Variants in KCND2 observed in about 807,000 individuals in gnomAD.
The protein encoded by KCND2 is A-type voltage-gated potassium channel KCND2.
Under a neutral mutation model 54.4 loss-of-function variants are expected in KCND2, and 16 were observed. The observed-to-expected ratio is 0.29, with a 90% CI of 0.20 to 0.45. The LOEUF is 0.45. KCND2 is among the 20% of genes least tolerant of loss of function. The pLI, the probability that KCND2 is intolerant of heterozygous loss-of-function variation, is 1.00. For synonymous variants in KCND2, 317 were observed against 310.7 expected (o/e 1.02, Z -0.21); for missense variants, 486 against 824.2 (o/e 0.59, Z 5.02).
chr7:120,595,582 T>C (rs1248698375), intron 1 of KCND2, among the ~76,000 whole-genome samples: 1 of 63,910 alleles, frequency 1.6e-5, no homozygotes, highest in Non-Finnish European at 3.7e-5. Context: ...TATATATATG[T>C]GTGTGTGTGT....
At chr7:120,709,291 T>G (rs1264022920) in intron 1 of KCND2, among the ~76,000 whole-genome samples, 3 of 152,202 alleles carry the variant, frequency 2.0e-5, no homozygotes, top group Admixed American at 2.0e-4. Flanking sequence ...TTACCACTTA[T>G]CTTTATGTTG....
intron 1 of KCND2, among the ~76,000 whole-genome samples, chr7:120,306,365 A>T (rs1220695060): frequency 5.3e-5 from 8 of 152,032 alleles, no homozygotes; most frequent in Admixed American, 5.3e-4. Flanking sequence ...AATGGTTTAG[A>T]CTTTGTTTTG....
chr7:120,287,929 C>T (rs1351372078), intron 1 of KCND2, among the ~76,000 whole-genome samples: 3 of 152,046 alleles, frequency 2.0e-5, no homozygotes, highest in Non-Finnish European at 4.4e-5. Context: ...GATAGAAAAT[C>T]AGAAGTCTTG....
chr7:120,428,653 A>G (rs1158894168), intron 1 of KCND2, among the ~76,000 whole-genome samples: 1 of 152,232 alleles, frequency 6.6e-6, no homozygotes, highest in Non-Finnish European at 1.5e-5. Context: ...ACTAAGGTCA[A>G]TACTAAAGAG....
chr7:120,617,032 T>G (rs775378417), intron 1 of KCND2, among the ~76,000 whole-genome samples: 2 of 152,184 alleles, frequency 1.3e-5, no homozygotes, highest in Non-Finnish European at 2.9e-5. Flanking sequence ...TTAATCATTG[T>G]GTATTAACCC....
intron 1 of KCND2, among the ~76,000 whole-genome samples, chr7:120,692,075 C>T (rs1186930632): frequency 6.6e-6 from 1 of 152,032 alleles, no homozygotes; most frequent in Non-Finnish European, 1.5e-5. Context: ...TGGAATGCAA[C>T]AGAGAGAGAA....
chr7:120,602,781 G>T (rs183899324), intron 1 of KCND2, among the ~76,000 whole-genome samples: 2 of 152,222 alleles, frequency 1.3e-5, no homozygotes, highest in East Asian at 1.9e-4. Context: ...TTCTCCAGTT[G>T]TTTCTGTGGA....
At chr7:120,340,289 A>G (rs1800222341) in intron 1 of KCND2, among the ~76,000 whole-genome samples, 1 of 152,248 alleles carries the variant, frequency 6.6e-6, no homozygotes, top group African/African-American at 2.4e-5. Flanking sequence ...AATTCTGCAT[A>G]TATGTAAAGA....
intron 1 of KCND2, among the ~76,000 whole-genome samples, chr7:120,278,533 A>C (rs538855655): frequency 6.6e-6 from 1 of 151,102 alleles, no homozygotes; most frequent in South Asian, 2.1e-4. Flanking sequence ...CGTTATCTAC[A>C]TGAGAATAAA....
chr7:120,385,972 A>T (rs918974381), intron 1 of KCND2, among the ~76,000 whole-genome samples: 1 of 152,146 alleles, frequency 6.6e-6, no homozygotes, highest in Non-Finnish European at 1.5e-5. Flanking sequence ...ACTTCTTTGT[A>T]TTCTGAGACT....
intron 1 of KCND2, among the ~76,000 whole-genome samples, chr7:120,393,912 A>G (rs547766676): frequency 1.3e-5 from 2 of 152,174 alleles, no homozygotes; most frequent in Admixed American, 1.3e-4. Context: ...TTTTTTAACT[A>G]TTTCACAAAA....
intron 1 of KCND2, among the ~76,000 whole-genome samples, chr7:120,399,813 C>A (rs144110218): frequency 6.3e-4 from 94 of 150,280 alleles, no homozygotes; most frequent in African/African-American, 1.9e-3. Context: ...ATAACCTTGG[C>A]CTCCCAGGTT....
At chr7:120,685,001 A>C (rs1042135123) in intron 1 of KCND2, among the ~76,000 whole-genome samples, 7 of 152,226 alleles carry the variant, frequency 4.6e-5, no homozygotes, top group Non-Finnish European at 7.3e-5. Flanking sequence ...TATATATTAC[A>C]AAGTAATACC....
intron 1 of KCND2, among the ~76,000 whole-genome samples, chr7:120,600,441 A>T (rs1022010481): frequency 6.6e-6 from 1 of 152,076 alleles, no homozygotes; most frequent in Non-Finnish European, 1.5e-5. Context: ...GTCTCACTAG[A>T]ATAAGTTCTA....
At chr7:120,371,451 C>T (rs531776119) in intron 1 of KCND2, among the ~76,000 whole-genome samples, 22 of 152,146 alleles carry the variant, frequency 1.4e-4, no homozygotes, top group African/African-American at 4.6e-4. Flanking sequence ...AAACCAGTGC[C>T]TAGGCAGAGA....
intron 1 of KCND2, among the ~76,000 whole-genome samples, chr7:120,483,634 G>A (rs559460636): frequency 3.9e-4 from 59 of 152,204 alleles, no homozygotes; most frequent in African/African-American, 6.0e-4. Flanking sequence ...AACATGAAGC[G>A]TCAAAGTAAC....
chr7:120,661,283 C>G (rs935848042), intron 1 of KCND2, among the ~76,000 whole-genome samples: 2 of 152,054 alleles, frequency 1.3e-5, no homozygotes, highest in Non-Finnish European at 2.9e-5. Flanking sequence ...AATATTCTAA[C>G]GCATCATTAG....
chr7:120,546,590 C>A (rs1792044841), intron 1 of KCND2, among the ~76,000 whole-genome samples: 1 of 151,916 alleles, frequency 6.6e-6, no homozygotes, highest in African/African-American at 2.4e-5. Context: ...CCATACCCTT[C>A]CATATACATT....
rs77262724 is a variant in KCND2, at chr7:120,308,374, C to T, written c.1115+32627C>T. Among the ~76,000 whole-genome samples the T allele has an allele frequency of 4.4e-4, 67 of 152,118 alleles. No individual in the cohort carries two copies. In the East Asian group the frequency reaches 0.011, roughly 26 times the overall value. ...GAAATAGTTCCAAGCAGTGCCATGC[C>T]GAGATGATACATTACCATTCTTACT... is the stretch of plus-strand genomic sequence containing the variant. On this transcript the variant is annotated intron_variant, in intron 1 of 5. Transcript: ENST00000331113.
Sources: allele counts gnomAD v4.1 joint callset (sites outside exome capture counted in the v4.1 genomes callset), GRCh38; gene constraint gnomAD v4.1.1; transcripts MANE v1.5; gene names NCBI Gene and HGNC (gene_info 2026-07-23, HGNC 2026-07-21).